SACS: variants seen among roughly 807,000 people sequenced by gnomAD.
SACS encodes the protein sacsin molecular chaperone.
In SACS, 197 loss-of-function variants were observed where a neutral mutation model predicts 348.0. That is an observed-to-expected ratio of 0.57 (90% CI 0.50 to 0.64). The LOEUF is 0.64. Among genes scored for constraint, SACS ranks in the 30% least tolerant of loss-of-function variants. SACS has a pLI of 0.00. For missense variants in SACS, 4,999 were observed against 5,360.8 expected (o/e 0.93, Z 2.11); for synonymous variants, 1,985 against 1,910.6 (o/e 1.04, Z -1.02).
At chr13:23,370,416 T>A (rs1019587398) in intron 4 of SACS, among the ~76,000 whole-genome samples, 5 of 152,214 alleles carry the variant, frequency 3.3e-5, no homozygotes, top group Non-Finnish European at 7.3e-5. Context: ...CTCCAAAAGT[T>A]TCCTCCCATC....
At position 23,332,554 on chromosome 13, in the gene SACS, C is replaced by T; in HGVS notation, c.11322G>A (p.Arg3774=). 1 of 1,613,908 alleles carries T rather than the reference C, an allele frequency of 6.2e-7. No individual in the cohort carries two copies. Among genetic ancestry groups the T allele is most frequent in the Non-Finnish European group, 8.5e-7 (1 of 1,179,900 alleles). Residue 3774 remains arginine (R), a synonymous_variant, in exon 10 of 10, where the codon AGG becomes AGA. Coordinates refer to ENST00000382292, the MANE Select transcript of SACS (RefSeq NM_014363.6). ...EMVKTRAKVL[R]SIYEFLSAEK... ...CTGCACTGAGGAATTCATATATGCT[C>T]CTTAAGACTTTTGCTCTAGTTTTTA...
chr13:23,379,599 A>G (rs1871960025), intron 2 of SACS, among the ~76,000 whole-genome samples: 1 of 151,794 alleles, frequency 6.6e-6, no homozygotes, highest in South Asian at 2.1e-4. Flanking sequence ...TCTTTTCTCC[A>G]CCCTGTCCCC....
intron 2 of SACS, among the ~76,000 whole-genome samples, chr13:23,391,941 A>G (rs1190240148): frequency 6.6e-6 from 1 of 152,212 alleles, no homozygotes; most frequent in Admixed American, 6.5e-5. Context: ...AGAAGCTGAC[A>G]GAGCCAACAA....
At position 23,354,508 on chromosome 13, in the gene SACS, G is replaced by C. The variant is rs1870192132; in HGVS notation, c.2093+11C>G. The C allele has an allele frequency of 6.2e-7, 1 of 1,612,594 alleles. No homozygotes were observed. Among genetic ancestry groups the C allele is most frequent in the Admixed American group, 1.7e-5 (1 of 59,998 alleles). On this transcript the variant is annotated intron_variant, in intron 8 of 9. Coordinates refer to ENST00000382292, the MANE Select transcript of SACS (RefSeq NM_014363.6). ...AAGAGTGAACAGGAATGTTAGAAGGGGGACCCCTACCTTGGATATTCTGCT... is the reference window on the plus strand; with the variant it reads ...AAGAGTGAACAGGAATGTTAGAAGGCGGACCCCTACCTTGGATATTCTGCT...
Position 23,337,060 on chromosome 13 carries a change from A to C in SACS, c.6816T>G (p.Gly2272=). The change falls in exon 10 of 10, where the codon GGT becomes GGG. Residue 2272 remains glycine (G), a synonymous_variant. Coordinates refer to ENST00000382292, the MANE Select transcript of SACS (RefSeq NM_014363.6). ...NENSHSFRGC[G]SVSLAVKEFL... ...ACTCTTTAACAGCCAATGACACTGA[A>C]CCACAACCTCTAAAAGAATGGGAAT... is the stretch of plus-strand genomic sequence containing the variant. The C allele has an allele frequency of 1.2e-6, 2 of 1,614,020 alleles. No individual in the cohort carries two copies. The highest frequency in any genetic ancestry group is 8.5e-7 in the Non-Finnish European group (1 of 1,179,914).
chr13:23,338,220 T>C lies in SACS; in HGVS notation c.5656A>G (p.Ile1886Val), dbSNP rs776911946. 9 of 1,614,168 alleles carry C rather than the reference T, an allele frequency of 5.6e-6. No individual in the cohort carries two copies. The highest frequency in any genetic ancestry group is 6.8e-6 in the Non-Finnish European group (8 of 1,180,024). Residue 1886 changes from isoleucine to valine, a missense_variant, in exon 10 of 10, where the codon ATC (isoleucine) becomes GTC (valine). By Grantham distance (29) the Ile-to-Val change is conservative. Around this residue, in one of 6 missense-constraint regions of SACS, gnomAD observed 3,156 missense variants for 3,380.1 expected, o/e 0.93. Coordinates refer to ENST00000382292, the MANE Select transcript of SACS (RefSeq NM_014363.6). ...LRIKTGLPVH[I>V]NGCFAVTSNR... ...GATGTAACAGCAAAGCACCCATTGA[T>C]ATGAACTGGCAAGCCTGTTTTTATT...
chr13:23,339,885 G>A lies in SACS; in HGVS notation c.3991C>T (p.His1331Tyr). Residue 1331 changes from histidine (H) to tyrosine (Y), a missense_variant, in exon 10 of 10, where the codon CAT (histidine) becomes TAT (tyrosine). Physicochemically the swap from His to Tyr is moderately conservative, Grantham distance 83. This residue lies in a region of SACS where 3,156 missense variants were observed against 3,380.1 expected (regional missense o/e 0.93). Transcript: ENST00000382292. The stretch of plus-strand genomic sequence containing the variant: ...ATCTTCTGAATAACCATGGAAATAT[G>A]ATCTGATGTCAACTCCTCTATTGAA... ...CGSIEELTSD[H>Y]ISMVIQKIYL... is the part of the protein sequence containing the mutation. 6.2e-7 allele frequency: 1 copy of A among 1,613,970 alleles called. No individual in the cohort carries two copies. Among genetic ancestry groups the A allele is most frequent in the Middle Eastern group, 1.7e-4 (1 of 6,060 alleles).
intron 1 of SACS, among the ~76,000 whole-genome samples, chr13:23,425,507 G>A (rs977890630): frequency 2.6e-5 from 4 of 152,084 alleles, no homozygotes; most frequent in Admixed American, 2.0e-4. Context: ...GCCTGATGTC[G>A]TGCTGGGGCC....
chr13:23,399,900 A>G (rs1388382191), intron 2 of SACS, among the ~76,000 whole-genome samples: 1 of 152,122 alleles, frequency 6.6e-6, no homozygotes, highest in Non-Finnish European at 1.5e-5. Flanking sequence ...CTCCGCACAC[A>G]TAAACATTCC....
Position 23,332,519 on chromosome 13 carries a change from T to C in SACS, c.11357A>G (p.Glu3786Gly). 2 of 1,613,924 alleles carry C rather than the reference T, an allele frequency of 1.2e-6. No individual in the cohort carries two copies. The highest frequency in any genetic ancestry group is 1.7e-6 in the Non-Finnish European group (2 of 1,179,888). Residue 3786 changes from glutamate to glycine, a missense_variant, in exon 10 of 10, where the codon GAA (glutamate) becomes GGA (glycine). Transcript: ENST00000382292. ...AACCCCTCGCAACTGAAAACGAAAT[T>C]CCCTTTTTTCTGCACTGAGGAATTC... ...IYEFLSAEKR[E>G]FRFQLRGVAF... is the part of the protein sequence containing the mutation.
chr13:23,368,924 C>T (rs1314173145), intron 4 of SACS, among the ~76,000 whole-genome samples: 11 of 152,250 alleles, frequency 7.2e-5, no homozygotes, highest in African/African-American at 2.2e-4. Context: ...TGGTCTTGAT[C>T]TCCTGACCTC....
chr13:23,375,279 G>C lies in SACS; in HGVS notation c.21-10C>G, dbSNP rs1186179760. On this transcript the variant is annotated splice_polypyrimidine_tract_variant and intron_variant, in intron 2 of 9. Transcript: ENST00000382292. ...GGTCACCGGGACCCACCTGTGGAAA[G>C]CAGAGGGACGCTCAGTCGGGCTGCG... 2 of 1,442,978 alleles carry C rather than the reference G, an allele frequency of 1.4e-6. No individual in the cohort carries two copies. The highest frequency in any genetic ancestry group is 1.8e-6 in the Non-Finnish European group (2 of 1,090,924). 89.4% of individuals were successfully genotyped at this position (1,442,978 alleles called of 1,614,324 possible).
rs1259378536 is a variant in SACS, at chr13:23,330,758, T to C, written c.13118A>G (p.Asp4373Gly). Residue 4373 changes from aspartate to glycine, a missense_variant, in exon 10 of 10, where the codon GAC becomes GGC. Asp to Gly is a moderately conservative substitution (Grantham distance 94, BLOSUM62 -1). This residue lies in a region of SACS where 254 missense variants were observed against 275.1 expected (regional missense o/e 0.92). Transcript: ENST00000382292. ...TGAAAATGTTCGTCTGGAGGCCCTG[T>C]CTGCATTTTGATCTAGAAAAGCCTG... is the stretch of plus-strand genomic sequence containing the variant. ...EKQAFLDQNA[D>G]RASRRTFSTS... The C allele has an allele frequency of 3.1e-6, 5 of 1,613,874 alleles. No homozygotes were observed. Among genetic ancestry groups the C allele is most frequent in the Non-Finnish European group, 4.2e-6 (5 of 1,179,912 alleles).
intron 6 of SACS, among the ~76,000 whole-genome samples, chr13:23,362,252 G>A (rs1870784269): frequency 3.3e-5 from 5 of 152,118 alleles, no homozygotes; most frequent in South Asian, 2.1e-4. Flanking sequence ...TCCTTCCCCT[G>A]TGTCTTATAA....
intron 4 of SACS, among the ~76,000 whole-genome samples, chr13:23,369,824 C>G (rs566176107): frequency 1.3e-5 from 2 of 149,758 alleles, no homozygotes; most frequent in African/African-American, 4.9e-5. Context: ...AGATTACAGG[C>G]GTGAGCCACC....
In SACS at chr13:23,354,617, C is replaced by A. The variant is rs1296474951; in HGVS notation, c.1995G>T (p.Gly665=). 1 of 1,614,078 alleles carries A rather than the reference C, an allele frequency of 6.2e-7. No homozygotes were observed. The highest frequency in any genetic ancestry group is 8.5e-7 in the Non-Finnish European group (1 of 1,180,040). The part of the protein sequence containing the change: ...LSDQAYSELL[G]LELLPLQNGN... ...CATTTTGTAAAGGGAGCAGCTCCAG[C>A]CCAAGCAGCTCACTGTAGGCTTGGT... The change falls in exon 8 of 10, where the codon GGG becomes GGT. Residue 665 remains glycine, a synonymous_variant. Transcript: ENST00000382292.
At chr13:23,345,795 T>C (rs1324990751) in intron 9 of SACS, among the ~76,000 whole-genome samples, 2 of 152,150 alleles carry the variant, frequency 1.3e-5, no homozygotes, top group African/African-American at 4.8e-5. Context: ...AATAATAACA[T>C]TTATCATAAA....
At chr13:23,368,549 T>G in intron 4 of SACS, 62 bp from the exon 5 acceptor site, 1 of 1,174,164 alleles carries the variant, frequency 8.5e-7, no homozygotes, top group Non-Finnish European at 1.3e-6. Flanking sequence ...GTCACCAATG[T>G]GTGACTTGAA....
intron 9 of SACS, 151 bp from the exon 10 acceptor site, chr13:23,341,841 C>T (rs1191266903): frequency 9.0e-6 from 6 of 668,470 alleles, no homozygotes; most frequent in Non-Finnish European, 1.4e-5. Flanking sequence ...GGCTGGAGTG[C>T]AGTAGCACAA....
Sources: allele counts gnomAD v4.1 joint callset (sites outside exome capture counted in the v4.1 genomes callset), GRCh38; gene constraint gnomAD v4.1.1; regional missense constraint gnomAD v4.1.1; transcripts MANE v1.5; gene names NCBI Gene and HGNC (gene_info 2026-07-23, HGNC 2026-07-21).